Variants in STXBP5L observed in about 807,000 individuals in gnomAD.
The protein encoded by STXBP5L is syntaxin-binding protein 5-like.
A neutral mutation model predicts 144.5 loss-of-function variants in STXBP5L; 65 were observed. The observed-to-expected ratio is 0.45, with a 90% confidence interval of 0.37 to 0.55. STXBP5L has a LOEUF of 0.55. Among genes scored for constraint, STXBP5L ranks in the 20% least tolerant of loss-of-function variants. The probability of loss-of-function intolerance (pLI) is 0.00; values close to 1 mark genes in which losing one functional copy is unlikely to be tolerated. For synonymous variants in STXBP5L, 505 were observed against 469.6 expected (o/e 1.08, Z -0.97); for missense variants, 1,298 against 1,405.5 (o/e 0.92, Z 1.22).
At chr3:120,910,449 A>G (rs1708771293) in intron 2 of STXBP5L, among the ~76,000 whole-genome samples, 1 of 152,214 alleles carries the variant, frequency 6.6e-6, no homozygotes, top group Non-Finnish European at 1.5e-5. Context: ...GCATTAGGTT[A>G]ATGCATAGAG....
chr3:120,965,137 T>A (rs1424077652), intron 3 of STXBP5L, among the ~76,000 whole-genome samples: 2 of 152,210 alleles, frequency 1.3e-5, no homozygotes, highest in Admixed American at 1.3e-4. Context: ...GCTTGGTAGA[T>A]CTTCCTCCAT....
At chr3:121,327,266 T>G (rs2044179085) in intron 20 of STXBP5L, among the ~76,000 whole-genome samples, 1 of 152,206 alleles carries the variant, frequency 6.6e-6, no homozygotes, top group South Asian at 2.1e-4. Flanking sequence ...AATTCTATTT[T>G]TATTTAGGGT....
intron 2 of STXBP5L, 89 bp from the exon 3 acceptor site, chr3:120,954,851 T>G: frequency 9.7e-7 from 1 of 1,026,310 alleles, no homozygotes; most frequent in Admixed American, 3.0e-5. Flanking sequence ...TAAACTAATT[T>G]TAGACATTCT....
intron 3 of STXBP5L, among the ~76,000 whole-genome samples, chr3:120,984,324 CT>C (rs893262203): frequency 1.3e-5 from 2 of 152,164 alleles, no homozygotes; most frequent in African/African-American, 4.8e-5. Flanking sequence ...TTCTCCACTT[CT>C]CCTCCAAACC....
chr3:121,339,758 G>A (rs964463023), intron 20 of STXBP5L, among the ~76,000 whole-genome samples: 4 of 151,636 alleles, frequency 2.6e-5, no homozygotes, highest in Non-Finnish European at 5.9e-5. Context: ...TCTGCTGCAT[G>A]CCAACAACGA....
intron 9 of STXBP5L, among the ~76,000 whole-genome samples, chr3:121,204,259 A>C (rs1410417544): frequency 6.6e-6 from 1 of 152,174 alleles, no homozygotes. Context: ...ACTATTGTTC[A>C]GACAAGTTCC....
intron 5 of STXBP5L, among the ~76,000 whole-genome samples, chr3:121,079,461 A>G (rs1444114228): frequency 7.9e-5 from 12 of 152,220 alleles, no homozygotes; most frequent in Admixed American, 5.2e-4. Flanking sequence ...CAGGCTGTTA[A>G]TATTCCTTTT....
chr3:121,059,134 T>C (rs1275362216), intron 5 of STXBP5L, among the ~76,000 whole-genome samples: 1 of 152,236 alleles, frequency 6.6e-6, no homozygotes, highest in Non-Finnish European at 1.5e-5. Flanking sequence ...CAATCCATCT[T>C]GAGTTAATCT....
intron 3 of STXBP5L, among the ~76,000 whole-genome samples, chr3:121,019,060 CT>C (rs1945354688): frequency 1.3e-5 from 2 of 152,204 alleles, no homozygotes; most frequent in African/African-American, 4.8e-5. Flanking sequence ...GGCCTTTCGG[CT>C]GCAGGCTGCC....
intron 3 of STXBP5L, among the ~76,000 whole-genome samples, chr3:121,027,069 A>T (rs754156920): frequency 9.2e-5 from 14 of 151,854 alleles, no homozygotes; most frequent in Non-Finnish European, 1.3e-4. Context: ...TTCAAAATGA[A>T]TGTAAGTTTT....
intron 5 of STXBP5L, among the ~76,000 whole-genome samples, chr3:121,090,469 A>G (rs2042722531): frequency 6.6e-6 from 1 of 152,166 alleles, no homozygotes; most frequent in African/African-American, 2.4e-5. Context: ...TATTTTATCC[A>G]TATAGATGTA....
intron 6 of STXBP5L, among the ~76,000 whole-genome samples, chr3:121,117,409 A>T (rs80259907): frequency 6.6e-6 from 1 of 151,954 alleles, no homozygotes; most frequent in East Asian, 1.9e-4. Context: ...AATATGTTCC[A>T]TAGAATTCTA....
intron 3 of STXBP5L, among the ~76,000 whole-genome samples, chr3:121,008,988 G>A (rs1349000867): frequency 2.6e-5 from 4 of 151,582 alleles, no homozygotes; most frequent in African/African-American, 7.3e-5. Flanking sequence ...TCATATTGAT[G>A]GTTTAGCTTG....
intron 9 of STXBP5L, among the ~76,000 whole-genome samples, chr3:121,173,027 A>T (rs2046788665): frequency 6.6e-6 from 1 of 152,112 alleles, no homozygotes; most frequent in Non-Finnish European, 1.5e-5. Context: ...CATGTTCTTT[A>T]TAAGGACATG....
chr3:121,302,365 T>C (rs1019220771), intron 19 of STXBP5L, among the ~76,000 whole-genome samples: 17 of 152,196 alleles, frequency 1.1e-4, no homozygotes, highest in South Asian at 2.1e-4. Flanking sequence ...TGGTAGTTTG[T>C]ATTTCTGTGG....
chr3:121,102,279 G>A (rs1330938147), intron 5 of STXBP5L, among the ~76,000 whole-genome samples: 4 of 151,992 alleles, frequency 2.6e-5, no homozygotes, highest in African/African-American at 9.7e-5. Context: ...AAAGAACAAA[G>A]CCAGACACAT....
intron 18 of STXBP5L, among the ~76,000 whole-genome samples, chr3:121,266,218 G>A (rs535440560): frequency 3.9e-5 from 6 of 152,158 alleles, no homozygotes; most frequent in East Asian, 3.9e-4. Flanking sequence ...ACATCGATGC[G>A]AAAATCCTCA....
intron 2 of STXBP5L, among the ~76,000 whole-genome samples, chr3:120,933,066 G>A (rs1424258286): frequency 8.0e-6 from 1 of 124,646 alleles, no homozygotes; most frequent in Non-Finnish European, 1.7e-5. Context: ...GGGAGGGGGA[G>A]GGATAGCATT....
At chr3:121,025,980 A>G (rs1178997208) in intron 3 of STXBP5L, among the ~76,000 whole-genome samples, 1 of 146,470 alleles carries the variant, frequency 6.8e-6, no homozygotes, top group Non-Finnish European at 1.5e-5. Context: ...TAATGTTAAT[A>G]ATATATTAGT....
Sources: gnomAD v4.1 joint callset for allele counts (sites outside exome capture counted in the v4.1 genomes callset) on GRCh38, gnomAD v4.1.1 for gene constraint, MANE v1.5 for transcripts, NCBI Gene and HGNC (gene_info 2026-07-23, HGNC 2026-07-21) for gene names.